GPC3: variants seen among roughly 807,000 people sequenced by gnomAD.
GPC3 encodes glypican-3.
In GPC3, 3 loss-of-function variants were observed where a neutral mutation model predicts 34.4. That is an observed-to-expected ratio of 0.09 (90% CI 0.04 to 0.23). The LOEUF is 0.23. GPC3 is among the 10% of genes least tolerant of loss of function. The pLI is 1.00. For synonymous variants in GPC3, 177 were observed against 174.0 expected (o/e 1.02, Z -0.13); for missense variants, 351 against 445.6 (o/e 0.79, Z 1.91).
At chrX:133,626,280 A>G (rs960868474) in intron 6 of GPC3, among the ~76,000 whole-genome samples, 15 of 111,984 alleles carry the variant, frequency 1.3e-4, no homozygotes, top group Non-Finnish European at 2.8e-4. Context: ...CTAAAACACC[A>G]AAAGCAATGG....
intron 2 of GPC3, among the ~76,000 whole-genome samples, chrX:133,892,826 G>A: frequency 9.0e-6 from 1 of 111,329 alleles, no homozygotes. Context: ...CAGGGTGCAG[G>A]TTAGGTTAAG....
intron 2 of GPC3, among the ~76,000 whole-genome samples, chrX:133,885,625 G>T (rs1490874211): frequency 3.6e-5 from 4 of 111,344 alleles, no homozygotes; most frequent in Non-Finnish European, 7.5e-5. Context: ...AGCCACAAAG[G>T]CCTTATATTT....
At chrX:133,792,800 T>C (rs2072179263) in intron 2 of GPC3, among the ~76,000 whole-genome samples, 1 of 111,646 alleles carries the variant, frequency 9.0e-6, no homozygotes, top group South Asian at 3.8e-4. Flanking sequence ...TCAAAATTTG[T>C]AACATGGAAA....
At chrX:133,828,716 T>C (rs1340750547) in intron 2 of GPC3, among the ~76,000 whole-genome samples, 1 of 111,092 alleles carries the variant, frequency 9.0e-6, no homozygotes, top group African/African-American at 3.3e-5. Context: ...TCTGTCAAAG[T>C]GTATAAAGAT....
intron 2 of GPC3, among the ~76,000 whole-genome samples, chrX:133,833,676 A>C: frequency 8.9e-6 from 1 of 112,333 alleles, no homozygotes; most frequent in Non-Finnish European, 1.9e-5. Context: ...ATGAGGGAAT[A>C]TTAAAACAGA....
At chrX:133,868,322 T>C (rs192344230) in intron 2 of GPC3, among the ~76,000 whole-genome samples, 1 of 112,306 alleles carries the variant, frequency 8.9e-6, no homozygotes, top group East Asian at 2.8e-4. Context: ...GCCAAACCAC[T>C]GTCACAGGTC....
intron 6 of GPC3, among the ~76,000 whole-genome samples, chrX:133,600,045 T>C (rs1305697099): frequency 9.0e-6 from 1 of 111,558 alleles, no homozygotes; most frequent in East Asian, 2.8e-4. Flanking sequence ...CCACTTTCTG[T>C]ATGCAATCCG....
chrX:133,601,526 A>C (rs1265393283), intron 6 of GPC3, among the ~76,000 whole-genome samples: 2 of 112,314 alleles, frequency 1.8e-5, no homozygotes, highest in East Asian at 5.6e-4. Context: ...CATACTTTAA[A>C]TGGGATGATG....
chrX:133,894,265 A>G (rs1342190694), intron 2 of GPC3, among the ~76,000 whole-genome samples: 1 of 112,223 alleles, frequency 8.9e-6, no homozygotes, highest in Non-Finnish European at 1.9e-5. Flanking sequence ...AGACAGGCAC[A>G]ATGTGCATCC....
At chrX:133,961,412 T>C (rs1038557474) in intron 1 of GPC3, among the ~76,000 whole-genome samples, 1 of 111,661 alleles carries the variant, frequency 9.0e-6, no homozygotes, top group Non-Finnish European at 1.9e-5. Flanking sequence ...CTGCCAACTG[T>C]CAATTAACTG....
intron 2 of GPC3, among the ~76,000 whole-genome samples, chrX:133,825,288 T>C (rs1483227532): frequency 8.9e-6 from 1 of 112,185 alleles, no homozygotes; most frequent in Non-Finnish European, 1.9e-5. Flanking sequence ...TCTAGGTCCA[T>C]CTCCTGCTCT....
intron 1 of GPC3, among the ~76,000 whole-genome samples, chrX:133,958,309 G>T (rs1223494137): frequency 9.0e-6 from 1 of 111,643 alleles, no homozygotes; most frequent in East Asian, 2.8e-4. Flanking sequence ...GGGAGGCTGA[G>T]GTGGGAGCAT....
At chrX:133,654,507 T>C (rs1208457770) in intron 6 of GPC3, among the ~76,000 whole-genome samples, 2 of 110,405 alleles carry the variant, frequency 1.8e-5, no homozygotes, top group African/African-American at 3.3e-5. Context: ...AGGTTAGGAG[T>C]TCGAGACCAG....
intron 1 of GPC3, among the ~76,000 whole-genome samples, chrX:133,975,218 GAAT>G (rs1346487962): frequency 8.9e-6 from 1 of 111,775 alleles, no homozygotes; most frequent in Admixed American, 9.5e-5. Context: ...TCCTCCAACT[GAAT>G]AATGTTTCCC....
chrX:133,620,331 T>C (rs925015415), intron 6 of GPC3, among the ~76,000 whole-genome samples: 10 of 111,095 alleles, frequency 9.0e-5, no homozygotes, highest in African/African-American at 3.3e-4. Context: ...ATTTTATTTT[T>C]CTACTTCAAC....
At chrX:133,537,724 C>T (rs780999098) in intron 7 of GPC3, among the ~76,000 whole-genome samples, 24 of 111,990 alleles carry the variant, frequency 2.1e-4, no homozygotes, top group African/African-American at 6.5e-4. Context: ...GACATCTCAA[C>T]GTTTCTTTAA....
intron 2 of GPC3, among the ~76,000 whole-genome samples, chrX:133,826,172 A>G (rs1461760255): frequency 8.9e-6 from 1 of 111,932 alleles, no homozygotes; most frequent in Non-Finnish European, 1.9e-5. Context: ...CAGAAGGGAA[A>G]AGTAATCAAT....
intron 7 of GPC3, among the ~76,000 whole-genome samples, chrX:133,560,227 C>T (rs771882273): frequency 1.8e-5 from 2 of 111,511 alleles, no homozygotes; most frequent in Admixed American, 9.6e-5. Context: ...TTCAAACACT[C>T]GGCAATCTTT....
intron 1 of GPC3, among the ~76,000 whole-genome samples, chrX:133,958,840 C>T (rs1456158652): frequency 1.0e-5 from 1 of 100,081 alleles, no homozygotes; most frequent in Non-Finnish European, 2.0e-5. Flanking sequence ...GAGCTGAGAT[C>T]GTGCCACTGC....
Sources: gnomAD v4.1 joint callset for allele counts (sites outside exome capture counted in the v4.1 genomes callset) on GRCh38, gnomAD v4.1.1 for gene constraint, MANE v1.5 for transcripts, NCBI Gene and HGNC (gene_info 2026-07-23, HGNC 2026-07-21) for gene names.